Variants in RABGAP1L observed in about 807,000 individuals in gnomAD.
RABGAP1L encodes RAB GTPase activating protein 1 like.
In RABGAP1L, 63 loss-of-function variants were observed where a neutral mutation model predicts 137.7. The observed-to-expected ratio is 0.46, with a 90% CI of 0.37 to 0.56. The LOEUF is 0.56. RABGAP1L is among the 20% of genes least tolerant of loss of function. RABGAP1L has a pLI of 0.00. For synonymous variants in RABGAP1L, 431 were observed against 433.7 expected (o/e 0.99, Z 0.08); for missense variants, 1,095 against 1,244.0 (o/e 0.88, Z 1.80).
chr1:174,492,226 A>G (rs12065454), intron 13 of RABGAP1L, among the ~76,000 whole-genome samples: 49,650 of 144,482 alleles, frequency 0.34, 10,618 homozygotes, highest in African/African-American at 0.61. Flanking sequence ...TATTGCTCAG[A>G]CTGGAGTACA....
intron 17 of RABGAP1L, among the ~76,000 whole-genome samples, chr1:174,730,198 G>T (rs966289836): frequency 2.6e-5 from 4 of 152,102 alleles, no homozygotes; most frequent in African/African-American, 9.7e-5. Context: ...GAATTAATAC[G>T]AGAACAGAAA....
At chr1:174,460,588 A>G (rs1356486934) in intron 13 of RABGAP1L, among the ~76,000 whole-genome samples, 1 of 152,128 alleles carries the variant, frequency 6.6e-6, no homozygotes, top group East Asian at 1.9e-4. Flanking sequence ...ACTGAAGCAA[A>G]CAGTGTGAAG....
At chr1:174,690,096 T>TA (rs1678769241) in intron 15 of RABGAP1L, among the ~76,000 whole-genome samples, 2 of 152,172 alleles carry the variant, frequency 1.3e-5, no homozygotes, top group South Asian at 4.1e-4. Context: ...TTTTACCTAT[T>TA]TAAAAAATAT....
intron 11 of RABGAP1L, among the ~76,000 whole-genome samples, chr1:174,328,486 T>C (rs922248600): frequency 1.6e-4 from 25 of 152,140 alleles, no homozygotes; most frequent in Non-Finnish European, 2.5e-4. Flanking sequence ...AAAAAATTTC[T>C]TGGCCGGGCA....
At chr1:174,676,531 A>T (rs2148461799) in intron 14 of RABGAP1L, among the ~76,000 whole-genome samples, 2 of 152,350 alleles carry the variant, frequency 1.3e-5, no homozygotes, top group South Asian at 4.1e-4. Flanking sequence ...CAAATATTTT[A>T]ACGTTTGGAG....
intron 12 of RABGAP1L, among the ~76,000 whole-genome samples, chr1:174,378,031 C>T (rs1460169783): frequency 6.4e-5 from 9 of 140,334 alleles, no homozygotes; most frequent in Non-Finnish European, 1.1e-4. Flanking sequence ...TGAGAATATG[C>T]GGTGTTTGGT....
chr1:174,467,201 T>A (rs1657396932), intron 13 of RABGAP1L, among the ~76,000 whole-genome samples: 1 of 152,212 alleles, frequency 6.6e-6, no homozygotes, highest in African/African-American at 2.4e-5. Flanking sequence ...TTACATCTTA[T>A]ATGCCATCTG....
intron 13 of RABGAP1L, among the ~76,000 whole-genome samples, chr1:174,406,560 GAGTC>G (rs1427495285): frequency 6.6e-6 from 1 of 152,152 alleles, no homozygotes; most frequent in Non-Finnish European, 1.5e-5. Flanking sequence ...ATTTCACTGA[GAGTC>G]AGAGGATTGC....
intron 12 of RABGAP1L, among the ~76,000 whole-genome samples, chr1:174,376,465 A>G (rs1414824144): frequency 1.3e-5 from 2 of 152,176 alleles, no homozygotes; most frequent in African/African-American, 2.4e-5. Flanking sequence ...AAATCCAACA[A>G]TATATAAATT....
chr1:174,726,249 G>C (rs1462397951), intron 17 of RABGAP1L, among the ~76,000 whole-genome samples: 2 of 151,572 alleles, frequency 1.3e-5, no homozygotes, highest in East Asian at 3.9e-4. Flanking sequence ...TGTGACTTTT[G>C]GGCTAACATC....
At chr1:174,355,543 A>G (rs1005291066) in intron 11 of RABGAP1L, among the ~76,000 whole-genome samples, 1 of 151,874 alleles carries the variant, frequency 6.6e-6, no homozygotes, top group Non-Finnish European at 1.5e-5. Flanking sequence ...CAGCACACCA[A>G]CATGGCACAT....
At chr1:174,505,713 G>T (rs1048849781) in intron 13 of RABGAP1L, among the ~76,000 whole-genome samples, 2 of 151,996 alleles carry the variant, frequency 1.3e-5, no homozygotes. Flanking sequence ...ATATAAATTG[G>T]TACAACCATT....
Position 174,396,297 on chromosome 1 carries a change from T to G in RABGAP1L, c.1710+2152T>G, listed in dbSNP as rs548170684. ...TACTAAAAACCACTGAATTGTACAC[T>G]TCTAAATGGTGAATTTTATGTTATG... On this transcript the variant is annotated intron_variant, in intron 13 of 25. Transcript: ENST00000681986. 3.9e-5 allele frequency among the ~76,000 whole-genome samples: 6 copies of G among 152,202 alleles called. No homozygotes were observed. The East Asian group carries it at 7.7e-4, about 20-fold the overall frequency.
chr1:174,191,582 T>G (rs1216873497), intron 1 of RABGAP1L, among the ~76,000 whole-genome samples: 2 of 152,210 alleles, frequency 1.3e-5, no homozygotes, highest in Non-Finnish European at 2.9e-5. Context: ...TACCCATACT[T>G]TTTTTGGGAG....
chr1:174,746,712 A>G (rs1232095310), intron 17 of RABGAP1L, among the ~76,000 whole-genome samples: 5 of 152,128 alleles, frequency 3.3e-5, no homozygotes, highest in Non-Finnish European at 5.9e-5. Flanking sequence ...TCACTTTTGG[A>G]ATTAGGTTAA....
At chr1:174,797,608 T>C (rs1009962670) in intron 18 of RABGAP1L, among the ~76,000 whole-genome samples, 1 of 107,204 alleles carries the variant, frequency 9.3e-6, no homozygotes, top group Non-Finnish European at 1.9e-5. Flanking sequence ...TGTGGGCGTG[T>C]AGTGTGGAGT....
chr1:174,166,828 G>A (rs967736748), intron 1 of RABGAP1L, among the ~76,000 whole-genome samples: 5 of 152,180 alleles, frequency 3.3e-5, no homozygotes, highest in African/African-American at 1.2e-4. Context: ...CACATACAGA[G>A]ACTGCTTAAT....
At chr1:174,408,289 TCCCACTCATAAG>T (rs1649510185) in intron 13 of RABGAP1L, among the ~76,000 whole-genome samples, 1 of 152,194 alleles carries the variant, frequency 6.6e-6, no homozygotes, top group African/African-American at 2.4e-5. Context: ...AATGTTTATC[TCCCACTCATAAG>T]TGAGAACATG....
chr1:174,496,169 A>G (rs1181280986), intron 13 of RABGAP1L, among the ~76,000 whole-genome samples: 2 of 152,230 alleles, frequency 1.3e-5, no homozygotes, highest in Non-Finnish European at 2.9e-5. Flanking sequence ...AAATCTGTAC[A>G]TAATTCCACT....
Sources: gnomAD v4.1 joint callset for allele counts (sites outside exome capture counted in the v4.1 genomes callset) on GRCh38, gnomAD v4.1.1 for gene constraint, MANE v1.5 for transcripts, NCBI Gene and HGNC (gene_info 2026-07-23, HGNC 2026-07-21) for gene names.